LAMA3: variants seen among roughly 807,000 people sequenced by gnomAD.
The protein encoded by LAMA3 is laminin subunit alpha-3.
LAMA3 carries 281 observed loss-of-function variants against 402.0 expected under a neutral mutation model. That is an observed-to-expected ratio of 0.70 (90% CI 0.63 to 0.77). The LOEUF is 0.77. Among genes scored for constraint, LAMA3 ranks in the 30% least tolerant of loss-of-function variants. The probability of loss-of-function intolerance (pLI) is 0.00; values close to 1 mark genes in which losing one functional copy is unlikely to be tolerated. For missense variants in LAMA3, 3,840 were observed against 4,215.5 expected, an observed-to-expected ratio of 0.91 and a Z score of 2.47; for synonymous variants, 1,431 against 1,558.4, an observed-to-expected ratio of 0.92 and a Z score of 1.93.
At chr18:23,922,592 C>G (rs1392568106) in intron 62 of LAMA3, among the ~76,000 whole-genome samples, 1 of 152,142 alleles carries the variant, frequency 6.6e-6, no homozygotes, top group Non-Finnish European at 1.5e-5. Flanking sequence ...CTGGAAGGAG[C>G]CTTGCAGATC....
chr18:23,786,280 T>C (rs900296453), intron 12 of LAMA3, among the ~76,000 whole-genome samples: 1 of 152,206 alleles, frequency 6.6e-6, no homozygotes, highest in African/African-American at 2.4e-5. Flanking sequence ...ACTCTCTTTA[T>C]CCTGTGCCCC....
intron 29 of LAMA3, among the ~76,000 whole-genome samples, chr18:23,844,582 A>G (rs1350433373): frequency 6.6e-6 from 1 of 152,174 alleles, no homozygotes; most frequent in African/African-American, 2.4e-5. Flanking sequence ...ATGTGGACTG[A>G]GCCTTTACTC....
intron 2 of LAMA3, among the ~76,000 whole-genome samples, chr18:23,735,182 T>A (rs991587299): frequency 6.6e-6 from 1 of 152,250 alleles, no homozygotes; most frequent in African/African-American, 2.4e-5. Flanking sequence ...CTCCCCGTTG[T>A]GCCATCTTCT....
At chr18:23,701,404 A>G (rs1223515389) in intron 1 of LAMA3, among the ~76,000 whole-genome samples, 2 of 152,214 alleles carry the variant, frequency 1.3e-5, no homozygotes, top group Admixed American at 6.5e-5. Context: ...ATGGATTTCC[A>G]TTAGGGTAGA....
intron 2 of LAMA3, among the ~76,000 whole-genome samples, chr18:23,734,118 C>CA (rs1430790859): frequency 6.6e-6 from 1 of 152,216 alleles, no homozygotes; most frequent in African/African-American, 2.4e-5. Flanking sequence ...TCTGCCGTCT[C>CA]AACTTCTACC....
At chr18:23,906,565 T>C (rs1652007) in intron 52 of LAMA3, among the ~76,000 whole-genome samples, 127,030 of 152,100 alleles carry the variant, frequency 0.84, 55,446 homozygotes, top group Non-Finnish European at 0.97. Context: ...AGCCTCTTAG[T>C]CCTTTCAGAG....
chr18:23,899,568 C>G lies in LAMA3; in HGVS notation c.6004+113C>G, dbSNP rs1045806795. On this transcript the variant is annotated intron_variant, in intron 47 of 74. Transcript: ENST00000313654. Reference sequence around the variant, plus strand: ...TAGGTGGAAGGCCTCATGGTTTCAGCGAATATTACTGTTAGAGCATCACGT... The same window carrying G: ...TAGGTGGAAGGCCTCATGGTTTCAGGGAATATTACTGTTAGAGCATCACGT... 41 of 1,064,818 alleles carry G rather than the reference C, an allele frequency of 3.9e-5. No individual in the cohort carries two copies. The African/African-American group carries it at 6.4e-4, about 17-fold the overall frequency. The allele number at this position is 1,064,818 out of a possible 1,614,324, so 66.0% of individuals were successfully genotyped here.
At chr18:23,906,251 G>A (rs1817866478) in intron 52 of LAMA3, among the ~76,000 whole-genome samples, 1 of 152,144 alleles carries the variant, frequency 6.6e-6, no homozygotes, top group Admixed American at 6.5e-5. Context: ...ACCCACCTGT[G>A]ATCATGGCAT....
intron 55 of LAMA3, among the ~76,000 whole-genome samples, chr18:23,910,800 A>G (rs964660350): frequency 1.7e-4 from 26 of 152,238 alleles, no homozygotes; most frequent in Admixed American, 6.5e-4. Context: ...TAGTGCCCAG[A>G]AAAGAAAGCA....
At chr18:23,934,606 T>G (rs2082259295) in intron 67 of LAMA3, among the ~76,000 whole-genome samples, 2 of 152,350 alleles carry the variant, frequency 1.3e-5, no homozygotes, top group South Asian at 4.1e-4. Context: ...TTCCCAGGTC[T>G]GAGGTTACAA....
chr18:23,909,247 G>T lies in LAMA3; in HGVS notation c.7110G>T (p.Met2370Ile), dbSNP rs1245421872. The T allele has an allele frequency of 2.5e-6, 4 of 1,613,494 alleles. No individual in the cohort carries two copies. The African/African-American group carries it at 5.3e-5, about 22-fold the overall frequency. The change falls in exon 55 of 75, where the codon ATG (methionine) becomes ATT (isoleucine). Residue 2370 changes from methionine (M) to isoleucine (I), a missense_variant. This residue lies in a region of LAMA3 where 891 missense variants were observed against 857.5 expected (regional missense o/e 1.04). Coordinates refer to ENST00000313654, the MANE Select transcript of LAMA3 (RefSeq NM_198129.4). ...CCTTGGGAAACATCTCTGACAACAT[G>T]GACAGAATACGAGAACTAATTCAGC... The part of the protein sequence containing the change: ...LLPLGNISDN[M>I]DRIRELIQQA...
chr18:23,917,237 A>G (rs887260259), intron 60 of LAMA3, among the ~76,000 whole-genome samples: 1 of 152,104 alleles, frequency 6.6e-6, no homozygotes, highest in African/African-American at 2.4e-5. Flanking sequence ...TCCATGGTGT[A>G]TATGTACCTC....
At chr18:23,899,549 G>A in intron 47 of LAMA3, 94 bp downstream of exon 47, 3 of 1,274,054 alleles carry the variant, frequency 2.4e-6, no homozygotes, top group Non-Finnish European at 3.4e-6. Flanking sequence ...GTTATAGGTG[G>A]AAGGCCTCAT....
At chr18:23,822,594 A>G (rs2063307382) in intron 20 of LAMA3, among the ~76,000 whole-genome samples, 1 of 152,210 alleles carries the variant, frequency 6.6e-6, no homozygotes, top group Non-Finnish European at 1.5e-5. Flanking sequence ...CTGTCATTTT[A>G]AAAATCGATA....
intron 69 of LAMA3, 126 bp from the exon 70 acceptor site, chr18:23,946,018 A>G: frequency 1.1e-6 from 1 of 917,186 alleles, no homozygotes; most frequent in South Asian, 1.4e-5. Flanking sequence ...AAAATCTCTC[A>G]TCTTTTGAAG....
At chr18:23,865,007 C>G in intron 36 of LAMA3, 124 bp downstream of exon 36, 2 of 724,524 alleles carry the variant, frequency 2.8e-6, no homozygotes, top group Admixed American at 4.0e-5. Flanking sequence ...CAATATTTTG[C>G]AGAAACTAAA....
At chr18:23,765,776 C>T (rs912901662) in intron 8 of LAMA3, among the ~76,000 whole-genome samples, 2 of 151,676 alleles carry the variant, frequency 1.3e-5, no homozygotes, top group Non-Finnish European at 2.9e-5. Flanking sequence ...GTAAAAGGAT[C>T]AAAATGAAAA....
chr18:23,689,902 G>T lies in LAMA3; in HGVS notation c.219G>T (p.Glu73Asp). Residue 73 changes from glutamate (E) to aspartate (D), a missense_variant, in exon 1 of 75, where the codon GAG becomes GAT. This residue lies in a region of LAMA3 where 2,109 missense variants were observed against 2,376.0 expected (regional missense o/e 0.89). Coordinates refer to ENST00000313654, the MANE Select transcript of LAMA3 (RefSeq NM_198129.4). ...CCTGCGGGGAGAGGGGACCCGGCGA[G>T]GGGAGGCCCCAGCCCGAGCTCTACT... The part of the protein sequence containing the change: ...TATCGERGPG[E>D]GRPQPELYCK... 6.5e-7 allele frequency: 1 copy of T among 1,536,370 alleles called. No homozygotes were observed. The highest frequency in any genetic ancestry group is 8.8e-7 in the Non-Finnish European group (1 of 1,141,502).
intron 27 of LAMA3, 129 bp from the exon 28 acceptor site, chr18:23,842,266 G>C: frequency 2.6e-6 from 3 of 1,156,206 alleles, no homozygotes; most frequent in Non-Finnish European, 3.9e-6. Flanking sequence ...AAGATGGGTT[G>C]TCATTTCACT....
Sources: gnomAD v4.1 joint callset for allele counts (sites outside exome capture counted in the v4.1 genomes callset) on GRCh38, gnomAD v4.1.1 for gene constraint, gnomAD v4.1.1 regional missense constraint, MANE v1.5 for transcripts, NCBI Gene and HGNC (gene_info 2026-07-23, HGNC 2026-07-21) for gene names.